MCHR2: variants seen among roughly 807,000 people sequenced by gnomAD.
The protein encoded by MCHR2 is melanin concentrating hormone receptor 2.
MCHR2 carries 15 observed loss-of-function variants against 24.8 expected under a neutral mutation model. That is an observed-to-expected ratio of 0.60 (90% CI 0.40 to 0.93). The LOEUF (loss-of-function observed/expected upper bound fraction) is 0.93. Ranked by LOEUF, MCHR2 falls within the 40% of genes least tolerant of loss-of-function variation. MCHR2 has a pLI of 0.00. For synonymous variants in MCHR2, 151 were observed against 147.6 expected, an observed-to-expected ratio of 1.02 and a Z score of -0.17; for missense variants, 386 against 408.7, an observed-to-expected ratio of 0.94 and a Z score of 0.48.
chr6:99,988,332 C>T (rs1459398127), intron 1 of MCHR2, among the ~76,000 whole-genome samples: 2 of 152,144 alleles, frequency 1.3e-5, no homozygotes, highest in Non-Finnish European at 2.9e-5. Context: ...GGATGGTCCC[C>T]ACAGGGATAC....
At chr6:99,993,301 GCTAA>G (rs1461292390) in intron 1 of MCHR2, among the ~76,000 whole-genome samples, 2 of 152,160 alleles carry the variant, frequency 1.3e-5, no homozygotes, top group African/African-American at 4.8e-5. Flanking sequence ...TCTGACAGCC[GCTAA>G]CTAACTTCCC....
At chr6:99,983,039 C>G (rs1252110966) in intron 1 of MCHR2, among the ~76,000 whole-genome samples, 1 of 152,166 alleles carries the variant, frequency 6.6e-6, no homozygotes, top group Non-Finnish European at 1.5e-5. Context: ...CGGCTCACTG[C>G]AGCCTCAACT....
chr6:99,947,395 T>G (rs938149220), intron 3 of MCHR2, among the ~76,000 whole-genome samples: 1 of 152,162 alleles, frequency 6.6e-6, no homozygotes, highest in Non-Finnish European at 1.5e-5. Flanking sequence ...ATTCTCTATG[T>G]GCTTCTAGCA....
chr6:99,992,909 C>A (rs1775911820), intron 1 of MCHR2, among the ~76,000 whole-genome samples: 1 of 152,002 alleles, frequency 6.6e-6, no homozygotes, highest in South Asian at 2.1e-4. Context: ...CAGTCAGCAT[C>A]CCCACCCCCC....
intron 3 of MCHR2, among the ~76,000 whole-genome samples, chr6:99,947,383 T>G (rs1774890037): frequency 6.6e-6 from 1 of 152,160 alleles, no homozygotes; most frequent in Admixed American, 6.5e-5. Context: ...GTTCTGCCAC[T>G]AATTCTCTAT....
At chr6:99,927,250 T>A (rs919055749) in intron 5 of MCHR2, among the ~76,000 whole-genome samples, 94 of 152,282 alleles carry the variant, frequency 6.2e-4, no homozygotes, top group Middle Eastern at 3.4e-3. Flanking sequence ...CTTGTAGTAT[T>A]GTTTGAAGTC....
At chr6:99,971,501 T>C (rs1340067127) in intron 1 of MCHR2, among the ~76,000 whole-genome samples, 1 of 152,222 alleles carries the variant, frequency 6.6e-6, no homozygotes, top group Admixed American at 6.5e-5. Context: ...TCACGACATC[T>C]GCAAACAGGG....
chr6:99,940,427 AT>A (rs985329682), intron 4 of MCHR2, among the ~76,000 whole-genome samples: 3 of 151,890 alleles, frequency 2.0e-5, no homozygotes, highest in African/African-American at 7.3e-5. Context: ...ATTTTTTTTA[AT>A]TTTTAAAATT....
intron 1 of MCHR2, among the ~76,000 whole-genome samples, chr6:99,989,462 C>CT (rs1442666141): frequency 1.3e-5 from 2 of 152,084 alleles, no homozygotes; most frequent in Non-Finnish European, 2.9e-5. Flanking sequence ...AAAGAGAATA[C>CT]TGAGGCTAAG....
At chr6:99,961,342 C>A (rs150158582) in intron 1 of MCHR2, among the ~76,000 whole-genome samples, 2 of 151,980 alleles carry the variant, frequency 1.3e-5, no homozygotes, top group African/African-American at 4.8e-5. Context: ...TTTGACCCAG[C>A]GATCCCATTA....
At chr6:99,976,571 A>T (rs1582407283) in intron 1 of MCHR2, among the ~76,000 whole-genome samples, 1 of 152,044 alleles carries the variant, frequency 6.6e-6, no homozygotes, top group South Asian at 2.1e-4. Flanking sequence ...TGGTCAAGCT[A>T]CTCCAGGTGT....
At chr6:99,959,284 T>C (rs1428920450) in intron 1 of MCHR2, among the ~76,000 whole-genome samples, 2 of 152,030 alleles carry the variant, frequency 1.3e-5, no homozygotes, top group African/African-American at 4.8e-5. Flanking sequence ...GGTAAATCTC[T>C]CTAAGTAGGA....
In MCHR2 at chr6:99,936,522, G is replaced by A. The variant is rs76526192; in HGVS notation, c.588-2005C>T. On this transcript the variant is annotated intron_variant, in intron 4 of 5. Transcript: ENST00000281806. Reference sequence around the variant, plus strand: ...GGCTATAAATGTGTGGATTTATATCGGGCACTCTATTCTGTTCCATTCGTC... The same window carrying A: ...GGCTATAAATGTGTGGATTTATATCAGGCACTCTATTCTGTTCCATTCGTC... Among the ~76,000 whole-genome samples the A allele has an allele frequency of 5.9e-5, 9 of 151,736 alleles. No individual in the cohort carries two copies. The East Asian group carries it at 1.5e-3, about 26-fold the overall frequency.
At chr6:99,951,683 G>T (rs1354723652) in intron 2 of MCHR2, among the ~76,000 whole-genome samples, 1 of 152,070 alleles carries the variant, frequency 6.6e-6, no homozygotes, top group Non-Finnish European at 1.5e-5. Flanking sequence ...TCTGTGTATG[G>T]CTGACACTTG....
In MCHR2 at chr6:99,921,255, G is replaced by A. The variant is rs1282225843; in HGVS notation, c.708C>T (p.Cys236=). 1 of 1,611,864 alleles carries A rather than the reference G, an allele frequency of 6.2e-7. No homozygotes were observed. The highest frequency in any genetic ancestry group is 1.1e-5 in the South Asian group (1 of 90,920). Residue 236 remains cysteine (C), a splice_region_variant and synonymous_variant, in exon 6 of 6, where the codon TGC becomes TGT. Coordinates refer to ENST00000281806, the MANE Select transcript of MCHR2 (RefSeq NM_001040179.2). ...TCTGTTTTGGTACACTGGGATTGCA[G>A]CTGCAGAGGAAACATTCAGATAGAC... ...EMYQQNKDAR[C]CNPSVPKQRV...
chr6:99,990,008 T>A (rs1775839783), intron 1 of MCHR2, among the ~76,000 whole-genome samples: 1 of 151,702 alleles, frequency 6.6e-6, no homozygotes. Flanking sequence ...TTTCTAAGAT[T>A]AAAAGGCATT....
chr6:99,945,606 A>G (rs902473567), intron 3 of MCHR2, among the ~76,000 whole-genome samples: 2 of 152,210 alleles, frequency 1.3e-5, no homozygotes, highest in Non-Finnish European at 2.9e-5. Flanking sequence ...GATGGCACTG[A>G]CATTTAGTTA....
chr6:99,940,867 G>A (rs1052833117), intron 4 of MCHR2, among the ~76,000 whole-genome samples: 1 of 152,060 alleles, frequency 6.6e-6, no homozygotes, highest in Non-Finnish European at 1.5e-5. Context: ...GGGAAGCCTG[G>A]CTAGGGGTTT....
At chr6:99,966,117 G>A (rs1775292419) in intron 1 of MCHR2, among the ~76,000 whole-genome samples, 4 of 152,066 alleles carry the variant, frequency 2.6e-5, no homozygotes, top group African/African-American at 4.8e-5. Flanking sequence ...CAGCTCTCAA[G>A]TCCTTTGAGG....
Sources: allele counts gnomAD v4.1 joint callset (sites outside exome capture counted in the v4.1 genomes callset), GRCh38; gene constraint gnomAD v4.1.1; transcripts MANE v1.5; gene names NCBI Gene and HGNC (gene_info 2026-07-23, HGNC 2026-07-21).